The following CEP85L variants were observed in gnomAD, a reference collection of about 807,000 sequenced individuals.
CEP85L encodes centrosomal protein 85L, also known as centrosomal protein of 85 kDa-like.
CEP85L carries 60 observed loss-of-function variants against 100.3 expected under a neutral mutation model. The ratio of observed to expected loss-of-function variants is 0.60; its 90% confidence interval spans 0.49 to 0.74. The LOEUF is 0.74. Among genes scored for constraint, CEP85L ranks in the 30% least tolerant of loss-of-function variants. The probability of loss-of-function intolerance (pLI) is 0.00; values close to 1 mark genes in which losing one functional copy is unlikely to be tolerated. For synonymous variants in CEP85L, 319 were observed against 322.7 expected, an observed-to-expected ratio of 0.99 and a Z score of 0.12; for missense variants, 973 against 936.2, an observed-to-expected ratio of 1.04 and a Z score of -0.51.
At chr6:118,573,566 T>TA (rs1321914764) in intron 2 of CEP85L, among the ~76,000 whole-genome samples, 2 of 152,132 alleles carry the variant, frequency 1.3e-5, no homozygotes, top group Non-Finnish European at 2.9e-5. Flanking sequence ...TGGTTAAAAG[T>TA]AAAAATATAT....
At chr6:118,556,320 T>A (rs1042851634) in intron 3 of CEP85L, among the ~76,000 whole-genome samples, 1 of 152,156 alleles carries the variant, frequency 6.6e-6, no homozygotes, top group African/African-American at 2.4e-5. Context: ...TAATAACTCT[T>A]TAAGGAAAGA....
intron 2 of CEP85L, among the ~76,000 whole-genome samples, chr6:118,603,714 T>C (rs1052093874): frequency 6.6e-6 from 1 of 152,268 alleles, no homozygotes; most frequent in African/African-American, 2.4e-5. Context: ...TGGATAGTTA[T>C]GAACATTTTA....
At chr6:118,581,929 T>C (rs1441991269) in intron 2 of CEP85L, among the ~76,000 whole-genome samples, 2 of 152,154 alleles carry the variant, frequency 1.3e-5, no homozygotes, top group Non-Finnish European at 2.9e-5. Context: ...AGTTAGATCT[T>C]TTCTCCAAAC....
At chr6:118,671,793 T>G (rs1048499426) in intron 1 of CEP85L, among the ~76,000 whole-genome samples, 1 of 151,982 alleles carries the variant, frequency 6.6e-6, no homozygotes, top group African/African-American at 2.4e-5. Flanking sequence ...CAAAAATCAG[T>G]TAGGCATGGT....
At chr6:118,661,525 T>C (rs1274439405) in intron 1 of CEP85L, among the ~76,000 whole-genome samples, 1 of 152,076 alleles carries the variant, frequency 6.6e-6, no homozygotes, top group Non-Finnish European at 1.5e-5. Context: ...TAATAAATAT[T>C]CAGAATCCTT....
upstream of CEP85L, chr6:118,652,382 T>G (rs1278029070): frequency 1.9e-6 from 2 of 1,067,966 alleles, no homozygotes; most frequent in Non-Finnish European, 2.3e-6. Context: ...AGGGACAGCA[T>G]CGTTTTATTT....
At chr6:118,500,285 C>G (rs994733126) in intron 5 of CEP85L, among the ~76,000 whole-genome samples, 1 of 152,080 alleles carries the variant, frequency 6.6e-6, no homozygotes, top group Non-Finnish European at 1.5e-5. Flanking sequence ...GCCAAAGGGA[C>G]CGTGACCAAC....
At chr6:118,586,311 A>AT (rs1206973378) in intron 2 of CEP85L, among the ~76,000 whole-genome samples, 1 of 152,084 alleles carries the variant, frequency 6.6e-6, no homozygotes, top group Non-Finnish European at 1.5e-5. Flanking sequence ...CTTACCAATG[A>AT]TTTTTCTATT....
At chr6:118,595,903 A>G (rs1163514666) in intron 2 of CEP85L, among the ~76,000 whole-genome samples, 4 of 152,222 alleles carry the variant, frequency 2.6e-5, no homozygotes, top group Admixed American at 2.0e-4. Flanking sequence ...AAATAGTAAT[A>G]GTAATAAAGT....
At chr6:118,572,290 AAAAAG>A (rs1352017413) in intron 2 of CEP85L, among the ~76,000 whole-genome samples, 2 of 151,634 alleles carry the variant, frequency 1.3e-5, no homozygotes, top group African/African-American at 4.8e-5. Flanking sequence ...AAAAAAAAAA[AAAAAG>A]GTGTATTCCT....
At chr6:118,466,714 T>G (rs1772549140) in intron 12 of CEP85L, among the ~76,000 whole-genome samples, 1 of 152,118 alleles carries the variant, frequency 6.6e-6, no homozygotes, top group Non-Finnish European at 1.5e-5. Flanking sequence ...AGGTAGGTAG[T>G]AGCTACCTAT....
chr6:118,657,755 C>A (rs1775846156), intron 1 of CEP85L, among the ~76,000 whole-genome samples: 1 of 152,168 alleles, frequency 6.6e-6, no homozygotes, highest in Non-Finnish European at 1.5e-5. Flanking sequence ...AAAAGTTTGC[C>A]ACTATTCAGA....
chr6:118,619,059 G>C (rs1258821012), intron 2 of CEP85L, among the ~76,000 whole-genome samples: 326 of 152,238 alleles, frequency 2.1e-3, no homozygotes, highest in African/African-American at 7.6e-3. Context: ...ACGATCATGC[G>C]CTCCGAGCAC....
intron 2 of CEP85L, among the ~76,000 whole-genome samples, chr6:118,571,605 G>A (rs7764026): frequency 6.6e-6 from 1 of 151,274 alleles, no homozygotes; most frequent in Non-Finnish European, 1.5e-5. Flanking sequence ...CTCTCTCTCT[G>A]TCTGCTCTAT....
At position 118,480,572 on chromosome 6, in the gene CEP85L, A is replaced by C. The variant is rs1025003212; in HGVS notation, c.1746-59T>G. On this transcript the variant is annotated intron_variant, in intron 8 of 12. Coordinates refer to ENST00000368491, the MANE Select transcript of CEP85L (RefSeq NM_001042475.3). ...GCTCTATTTGCTGATTTTGGTAATG[A>C]TTTCAACATAAATGATTATTGCTTT... 7 of 1,049,550 alleles carry C rather than the reference A, an allele frequency of 6.7e-6. No individual in the cohort carries two copies. The East Asian group carries it at 9.6e-5, about 14-fold the overall frequency. The allele number at this position is 1,049,550 out of a possible 1,614,324, so 65.0% of individuals were successfully genotyped here.
intron 3 of CEP85L, among the ~76,000 whole-genome samples, chr6:118,554,828 T>G (rs192010146): frequency 6.6e-6 from 1 of 152,114 alleles, no homozygotes; most frequent in Admixed American, 6.5e-5. Context: ...CAGGCAGAGA[T>G]AGAACAACAT....
chr6:118,610,820 ACAG>A (rs1772556303), intron 2 of CEP85L, among the ~76,000 whole-genome samples: 1 of 152,216 alleles, frequency 6.6e-6, no homozygotes, highest in Non-Finnish European at 1.5e-5. Context: ...AATTCAAATG[ACAG>A]CAGATTTGTC....
intron 2 of CEP85L, among the ~76,000 whole-genome samples, chr6:118,600,729 T>G (rs117711340): frequency 6.6e-6 from 1 of 151,866 alleles, no homozygotes; most frequent in Non-Finnish European, 1.5e-5. Flanking sequence ...TAACAAACTT[T>G]CTTACATATT....
chr6:118,682,055 C>T lies in CEP85L; in HGVS notation c.-28+27981G>A, dbSNP rs182024229. On this transcript the variant is annotated intron_variant, in intron 1 of 13. Coordinates refer to the CEP85L transcript ENST00000368488. ...TGCTGGGATTACAGGCGTGAGCCAC[C>T]GCACCCAGCCTGTTATAATTACTTC... 1.1e-4 allele frequency among the ~76,000 whole-genome samples: 17 copies of T among 150,664 alleles called. No individual in the cohort carries two copies. In the East Asian group the frequency reaches 1.5e-3, roughly 14 times the overall value.
Sources: gnomAD v4.1 joint callset for allele counts (sites outside exome capture counted in the v4.1 genomes callset) on GRCh38, gnomAD v4.1.1 for gene constraint, MANE v1.5 for transcripts, NCBI Gene and HGNC (gene_info 2026-07-23, HGNC 2026-07-21) for gene names.